The following ESRRG variants were observed in gnomAD, a reference collection of about 807,000 sequenced individuals.
The protein encoded by ESRRG is estrogen related receptor gamma, also known as estrogen-related receptor gamma.
In ESRRG, 13 loss-of-function variants were observed where a neutral mutation model predicts 44.0. The ratio of observed to expected loss-of-function variants is 0.30; its 90% CI spans 0.19 to 0.47. The LOEUF (loss-of-function observed/expected upper bound fraction) is 0.47. Among genes scored for constraint, ESRRG ranks in the 20% least tolerant of loss-of-function variants. ESRRG has a pLI of 1.00. For missense variants in ESRRG, 395 were observed against 580.6 expected (o/e 0.68, Z 3.29); for synonymous variants, 215 against 214.6 (o/e 1.00, Z -0.02).
At chr1:216,879,674 T>C (rs968000959) in intron 2 of ESRRG, among the ~76,000 whole-genome samples, 20 of 152,180 alleles carry the variant, frequency 1.3e-4, no homozygotes, top group African/African-American at 3.9e-4. Context: ...AGCACTGTTA[T>C]AGAATTTTCT....
chr1:216,532,288 C>T (rs2049614750), intron 5 of ESRRG, among the ~76,000 whole-genome samples: 1 of 152,066 alleles, frequency 6.6e-6, no homozygotes. Context: ...CTGTACTTTT[C>T]CACTTAATTA....
intron 1 of ESRRG, among the ~76,000 whole-genome samples, chr1:216,983,341 CT>C (rs1560359133): frequency 6.6e-6 from 1 of 151,944 alleles, no homozygotes; most frequent in African/African-American, 2.4e-5. Flanking sequence ...AAGTGATCCT[CT>C]GACCTCAGCC....
chr1:216,729,465 A>G (rs2088258525), intron 2 of ESRRG, among the ~76,000 whole-genome samples: 1 of 152,198 alleles, frequency 6.6e-6, no homozygotes, highest in African/African-American at 2.4e-5. Context: ...TCCATCTCTG[A>G]CTAGGAGTGG....
rs144377657 is a variant in ESRRG, at chr1:216,777,095, A to T, written c.-13-99604T>A. Among the ~76,000 whole-genome samples, 167 of 152,308 alleles carry T rather than the reference A, an allele frequency of 1.1e-3. 1 individual carries two copies. The highest frequency in any genetic ancestry group is 0.01 in the Middle Eastern group (3 of 294). On this transcript the variant is annotated intron_variant, in intron 2 of 7. Coordinates refer to the ESRRG transcript ENST00000359162. ...TACTGGCATGATCCATGGGAAGGGC[A>T]TAATTCACAGATGGGGCTTGCCTAC... is the stretch of plus-strand genomic sequence containing the variant.
At chr1:217,071,156 G>T (rs1558192926) in intron 1 of ESRRG, among the ~76,000 whole-genome samples, 1 of 151,992 alleles carries the variant, frequency 6.6e-6, no homozygotes, top group African/African-American at 2.4e-5. Flanking sequence ...AAATTAAATT[G>T]CTTTTTATTG....
intron 1 of ESRRG, among the ~76,000 whole-genome samples, chr1:216,974,023 G>A (rs2072327596): frequency 6.6e-6 from 1 of 152,034 alleles, no homozygotes; most frequent in Admixed American, 6.6e-5. Context: ...CAGTAACTCA[G>A]TCACAAACCC....
chr1:216,926,739 T>C (rs1458623136), intron 2 of ESRRG, among the ~76,000 whole-genome samples: 1 of 152,158 alleles, frequency 6.6e-6, no homozygotes, highest in Non-Finnish European at 1.5e-5. Flanking sequence ...GAAAGAAGCA[T>C]ATAATATTTC....
In ESRRG at chr1:216,866,145, C is replaced by T. The variant is rs114799435; in HGVS notation, c.-14+73437G>A. Among the ~76,000 whole-genome samples, 1,457 of 152,282 alleles carry T rather than the reference C, an allele frequency of 9.6e-3. 18 individuals carry two copies. The highest frequency in any genetic ancestry group is 0.033 in the African/African-American group (1,371 of 41,562). ...TGTTTAACAGCAGCAAATATCATGT[C>T]TCCCATTTTTATGAAAAGTAATACT... On this transcript the variant is annotated intron_variant, in intron 2 of 7. Coordinates refer to the ESRRG transcript ENST00000359162.
chr1:217,102,052 C>T (rs910878736), intron 1 of ESRRG, among the ~76,000 whole-genome samples: 32 of 152,268 alleles, frequency 2.1e-4, no homozygotes, highest in South Asian at 4.2e-4. Flanking sequence ...GTGATCCCCC[C>T]GCTTCGGCCT....
At chr1:217,131,371 G>C (rs1243112485) in intron 1 of ESRRG, among the ~76,000 whole-genome samples, 1 of 151,604 alleles carries the variant, frequency 6.6e-6, no homozygotes, top group Non-Finnish European at 1.5e-5. Flanking sequence ...AATAATTCAA[G>C]TTAAAAAAAT....
intron 2 of ESRRG, among the ~76,000 whole-genome samples, chr1:216,871,501 T>C (rs1362393758): frequency 2.0e-5 from 3 of 152,122 alleles, no homozygotes; most frequent in East Asian, 3.9e-4. Flanking sequence ...TGGTTGATGG[T>C]GTTGTTCAGT....
At chr1:217,094,030 G>A (rs961838462), upstream of ESRRG, among the ~76,000 whole-genome samples, 9 of 151,820 alleles carry the variant, frequency 5.9e-5, no homozygotes, top group Non-Finnish European at 1.0e-4. Flanking sequence ...CTACAGGTAC[G>A]TGCCACCATG....
intron 1 of ESRRG, among the ~76,000 whole-genome samples, chr1:217,032,980 C>T (rs761548771): frequency 2.1e-4 from 32 of 152,204 alleles, no homozygotes; most frequent in Admixed American, 5.9e-4. Context: ...CCTGTGGCCA[C>T]GTGCCTGCAG....
chr1:216,957,333 G>C (rs2818790), intron 1 of ESRRG, among the ~76,000 whole-genome samples: 99,659 of 151,976 alleles, frequency 0.66, 35,776 homozygotes, highest in Non-Finnish European at 0.82. Context: ...CCTTAGCCAA[G>C]ATGTCTCCTG....
At chr1:216,887,512 T>A (rs1033364386) in intron 2 of ESRRG, among the ~76,000 whole-genome samples, 2 of 152,228 alleles carry the variant, frequency 1.3e-5, no homozygotes, top group African/African-American at 4.8e-5. Flanking sequence ...AAGATGATAT[T>A]GCATGTACAT....
intron 5 of ESRRG, among the ~76,000 whole-genome samples, chr1:216,529,812 A>G (rs2048750966): frequency 6.6e-6 from 1 of 152,118 alleles, no homozygotes; most frequent in East Asian, 1.9e-4. Flanking sequence ...AAAGAAATTT[A>G]TAATTAGTGA....
intron 2 of ESRRG, among the ~76,000 whole-genome samples, chr1:216,759,578 G>A (rs936170721): frequency 6.6e-6 from 1 of 152,056 alleles, no homozygotes; most frequent in South Asian, 2.1e-4. Flanking sequence ...ATATTGGAAG[G>A]CAGAAATCAA....
At chr1:216,538,428 T>C (rs141330684) in intron 5 of ESRRG, among the ~76,000 whole-genome samples, 57 of 152,098 alleles carry the variant, frequency 3.7e-4, no homozygotes, top group African/African-American at 1.4e-3. Flanking sequence ...CCTAGAGCTC[T>C]TCCTGGCACC....
At chr1:217,070,662 G>T (rs183679973) in intron 1 of ESRRG, among the ~76,000 whole-genome samples, 8 of 152,280 alleles carry the variant, frequency 5.3e-5, no homozygotes, top group African/African-American at 1.9e-4. Context: ...CATGACAGGC[G>T]TAAGCCACCA....
Sources: gnomAD v4.1 joint callset for allele counts (sites outside exome capture counted in the v4.1 genomes callset) on GRCh38, gnomAD v4.1.1 for gene constraint, MANE v1.5 for transcripts, NCBI Gene and HGNC (gene_info 2026-07-23, HGNC 2026-07-21) for gene names.